Variants in CAST observed in about 807,000 individuals in gnomAD.
The protein encoded by CAST is MIR583 host.
Under a neutral mutation model 119.6 loss-of-function variants are expected in CAST, and 76 were observed. That is an observed-to-expected ratio of 0.64 (90% CI 0.53 to 0.77). The LOEUF (loss-of-function observed/expected upper bound fraction) is 0.77. Among genes scored for constraint, CAST ranks in the 30% least tolerant of loss-of-function variants. CAST has a pLI of 0.00. For missense variants in CAST, 953 were observed against 946.5 expected (o/e 1.01, Z -0.09); for synonymous variants, 319 against 331.6 (o/e 0.96, Z 0.41).
the CAST span, among the ~76,000 whole-genome samples, chr5:96,119,355 T>G: frequency 6.6e-6 from 1 of 152,146 alleles, no homozygotes; most frequent in South Asian, 2.1e-4. Flanking sequence ...CCCCAAAGTT[T>G]CCAGCATTTA....
At chr5:96,402,763 A>G in the CAST span, among the ~76,000 whole-genome samples, 7 of 152,104 alleles carry the variant, frequency 4.6e-5, no homozygotes, top group Non-Finnish European at 1.0e-4. Flanking sequence ...CACACCTGAC[A>G]GCTCAGCTCA....
chr5:96,357,304 C>T, the CAST span, among the ~76,000 whole-genome samples: 39 of 152,264 alleles, frequency 2.6e-4, no homozygotes, highest in African/African-American at 9.4e-4. Context: ...TCCTCTCTTC[C>T]TATTTGAATA....
chr5:96,077,043 C>T, the CAST span, among the ~76,000 whole-genome samples: 1 of 151,356 alleles, frequency 6.6e-6, no homozygotes, highest in Non-Finnish European at 1.5e-5. Flanking sequence ...TGTTTTTAGT[C>T]TTATTAACAA....
At chr5:96,575,589 A>G (rs1012080852) in intron 1 of CAST, among the ~76,000 whole-genome samples, 1 of 151,954 alleles carries the variant, frequency 6.6e-6, no homozygotes, top group Non-Finnish European at 1.5e-5. Flanking sequence ...ACTAACTGGA[A>G]ATTTTTATTA....
chr5:96,517,962 A>C, the CAST span, among the ~76,000 whole-genome samples: 1 of 152,392 alleles, frequency 6.6e-6, no homozygotes, highest in East Asian at 1.9e-4. Flanking sequence ...AGCAGATATT[A>C]TTCCCATTCT....
intron 1 of CAST, among the ~76,000 whole-genome samples, chr5:96,627,112 C>T (rs1015083073): frequency 6.6e-6 from 1 of 152,192 alleles, no homozygotes; most frequent in East Asian, 1.9e-4. Context: ...ATTGAAATAG[C>T]ATTCCAGGAG....
At chr5:96,137,077 G>T in the CAST span, among the ~76,000 whole-genome samples, 1 of 151,996 alleles carries the variant, frequency 6.6e-6, no homozygotes, top group Non-Finnish European at 1.5e-5. Flanking sequence ...ATACCTTAAG[G>T]TTTACCCTTT....
intron 1 of CAST, among the ~76,000 whole-genome samples, chr5:96,534,735 GAGAGAGAAAGAAAGAAAGAAAGAAAGAA>G (rs1561408813): frequency 5.3e-5 from 1 of 18,730 alleles, no homozygotes; most frequent in African/African-American, 1.8e-4. Flanking sequence ...GAGAGAGAGA[GAGAGAGAAAGAAAGAAAGAAAGAAAGAA>G]AGAAAGAAAG....
intron 13 of CAST, 130 bp downstream of exon 13, chr5:96,740,913 T>G (rs2150514820): frequency 1.5e-6 from 1 of 686,452 alleles, no homozygotes; most frequent in East Asian, 2.6e-5. Flanking sequence ...AGTTTCTGTG[T>G]GTTCAGAGAA....
chr5:96,211,608 TG>T, the CAST span, among the ~76,000 whole-genome samples: 4 of 152,044 alleles, frequency 2.6e-5, no homozygotes, highest in African/African-American at 9.7e-5. Flanking sequence ...TTTCTTTTTT[TG>T]TACTATCTCC....
chr5:96,309,303 C>A, the CAST span, among the ~76,000 whole-genome samples: 1 of 152,254 alleles, frequency 6.6e-6, no homozygotes, highest in Non-Finnish European at 1.5e-5. Flanking sequence ...ACCCTTCTCC[C>A]CACCAAGCTT....
chr5:96,207,389 G>A, the CAST span, among the ~76,000 whole-genome samples: 1 of 151,938 alleles, frequency 6.6e-6, no homozygotes, highest in Non-Finnish European at 1.5e-5. Flanking sequence ...TGTTGTCAAG[G>A]GGAATACTTC....
chr5:96,239,346 A>G, the CAST span, among the ~76,000 whole-genome samples: 4 of 152,056 alleles, frequency 2.6e-5, no homozygotes. Flanking sequence ...GCCTGTGATT[A>G]TTCTTTACTA....
the CAST span, among the ~76,000 whole-genome samples, chr5:96,205,946 G>A: frequency 6.6e-6 from 1 of 151,716 alleles, no homozygotes; most frequent in Non-Finnish European, 1.5e-5. Context: ...GTGTGTAAGT[G>A]CTCCCTTTTC....
intron 1 of CAST, among the ~76,000 whole-genome samples, chr5:96,541,111 T>C (rs1219591547): frequency 2.0e-5 from 3 of 152,346 alleles, no homozygotes; most frequent in Non-Finnish European, 2.9e-5. Context: ...CATAACTTAC[T>C]TGAAATTCTT....
chr5:96,292,151 G>A, the CAST span, among the ~76,000 whole-genome samples: 1 of 152,034 alleles, frequency 6.6e-6, no homozygotes, highest in African/African-American at 2.4e-5. Context: ...TACAAACAGA[G>A]GCTTCAAGCT....
intron 1 of CAST, among the ~76,000 whole-genome samples, chr5:96,572,198 T>C (rs1746581480): frequency 7.4e-6 from 1 of 135,706 alleles, no homozygotes; most frequent in African/African-American, 2.9e-5. Context: ...ATGACACAAT[T>C]TGTGCTATTT....
At chr5:96,283,061 C>T in the CAST span, among the ~76,000 whole-genome samples, 1 of 144,944 alleles carries the variant, frequency 6.9e-6, no homozygotes, top group Non-Finnish European at 1.5e-5. Flanking sequence ...ACCCGGGAGG[C>T]GGAGCTTGCA....
At chr5:96,352,513 C>T in the CAST span, among the ~76,000 whole-genome samples, 1 of 152,094 alleles carries the variant, frequency 6.6e-6, no homozygotes, top group Admixed American at 6.6e-5. Flanking sequence ...ATCCATGATT[C>T]AGTGTGATAG....
Sources: gnomAD v4.1 joint callset for allele counts (sites outside exome capture counted in the v4.1 genomes callset) on GRCh38, gnomAD v4.1.1 for gene constraint, MANE v1.5 for transcripts, NCBI Gene and HGNC (gene_info 2026-07-23, HGNC 2026-07-21) for gene names.